The following RYR2 variants were observed in gnomAD, a reference collection of about 807,000 sequenced individuals.
RYR2 encodes cardiac muscle ryanodine receptor-calcium release channel.
In RYR2, 227 loss-of-function variants were observed where a neutral mutation model predicts 601.1. The observed-to-expected ratio is 0.38, with a 90% CI of 0.34 to 0.42. RYR2 has a LOEUF of 0.42. Ranked by LOEUF, RYR2 falls within the 10% of genes least tolerant of loss-of-function variation. The pLI is 1.00. For missense variants in RYR2, 4,646 were observed against 6,156.5 expected (o/e 0.75, Z 8.21); for synonymous variants, 2,223 against 2,175.1 (o/e 1.02, Z -0.61).
intron 70 of RYR2, among the ~76,000 whole-genome samples, chr1:237,710,283 A>T (rs900382816): frequency 2.0e-5 from 3 of 152,232 alleles, no homozygotes; most frequent in Non-Finnish European, 2.9e-5. Flanking sequence ...TTATAATTCT[A>T]TGCCACTCTG....
chr1:237,743,380 A>G (rs1299875345), intron 80 of RYR2, among the ~76,000 whole-genome samples: 2 of 152,192 alleles, frequency 1.3e-5, no homozygotes, highest in African/African-American at 4.8e-5. Flanking sequence ...GAAAAATGCC[A>G]TAAGATTAAT....
chr1:237,332,630 G>T (rs1264192004), intron 3 of RYR2, among the ~76,000 whole-genome samples: 1 of 151,874 alleles, frequency 6.6e-6, no homozygotes, highest in African/African-American at 2.4e-5. Flanking sequence ...ATTTTTATTT[G>T]GCATTAGCAT....
intron 1 of RYR2, among the ~76,000 whole-genome samples, chr1:237,265,852 G>A (rs865971450): frequency 3.3e-5 from 5 of 152,136 alleles, no homozygotes; most frequent in South Asian, 2.1e-4. Flanking sequence ...AAGTGTTGAT[G>A]GAGTAGAATC....
intron 22 of RYR2, among the ~76,000 whole-genome samples, chr1:237,505,901 T>A (rs1042430210): frequency 6.6e-6 from 1 of 152,210 alleles, no homozygotes. Flanking sequence ...ATTTTGTTTC[T>A]TTTCTGTGAA....
intron 3 of RYR2, among the ~76,000 whole-genome samples, chr1:237,343,829 T>G (rs116128470): frequency 0.024 from 3,593 of 151,596 alleles, 144 homozygotes; most frequent in African/African-American, 0.079. Flanking sequence ...TTGTTTTTTT[T>G]TTTTTTTTGA....
chr1:237,703,666 G>A (rs1176914116), intron 66 of RYR2, among the ~76,000 whole-genome samples: 2 of 149,538 alleles, frequency 1.3e-5, no homozygotes, highest in African/African-American at 4.9e-5. Context: ...ACATGGTAAT[G>A]TTGAATTTTT....
intron 15 of RYR2, among the ~76,000 whole-genome samples, chr1:237,455,489 T>C (rs1454751766): frequency 1.3e-5 from 2 of 152,058 alleles, no homozygotes; most frequent in Non-Finnish European, 2.9e-5. Flanking sequence ...ATCTGGGTGA[T>C]GAAATCATTT....
intron 97 of RYR2, 120 bp downstream of exon 97, chr1:237,798,290 A>G: frequency 1.1e-6 from 1 of 892,048 alleles, no homozygotes; most frequent in South Asian, 2.2e-5. Flanking sequence ...ATAGATGAGG[A>G]AAACAGAAAG....
chr1:237,111,590 T>TAAA (rs71178394), intron 1 of RYR2, among the ~76,000 whole-genome samples: 1 of 119,966 alleles, frequency 8.3e-6, no homozygotes, highest in Admixed American at 9.0e-5. Flanking sequence ...TCCGTCTCTT[T>TAAA]AAAAAAAAAA....
chr1:237,136,053 C>T (rs540786127), intron 1 of RYR2, among the ~76,000 whole-genome samples: 1 of 152,336 alleles, frequency 6.6e-6, no homozygotes, highest in East Asian at 1.9e-4. Flanking sequence ...ATCCTCTTCA[C>T]TGGCTGTTGA....
intron 93 of RYR2, 185 bp from the exon 94 acceptor site, chr1:237,791,920 G>C (rs778406582): frequency 3.3e-6 from 2 of 597,210 alleles, no homozygotes; most frequent in East Asian, 2.8e-5. Context: ...AATTTTAAAA[G>C]TATGTTCATT....
At chr1:237,261,136 T>C (rs2149311565) in intron 1 of RYR2, among the ~76,000 whole-genome samples, 1 of 152,364 alleles carries the variant, frequency 6.6e-6, no homozygotes, top group African/African-American at 2.4e-5. Flanking sequence ...TCACCATGCC[T>C]GCAACATAAC....
At chr1:237,242,386 T>C (rs1046059042) in intron 1 of RYR2, among the ~76,000 whole-genome samples, 3 of 152,060 alleles carry the variant, frequency 2.0e-5, no homozygotes, top group Non-Finnish European at 4.4e-5. Context: ...ACCTAAGTTA[T>C]TCACAAAGCT....
At chr1:237,053,432 G>A (rs1203881142) in intron 1 of RYR2, among the ~76,000 whole-genome samples, 2 of 152,176 alleles carry the variant, frequency 1.3e-5, no homozygotes. Context: ...GAAGATGGGG[G>A]TGTCATTATT....
At chr1:237,798,969 G>T (rs906035595) in intron 97 of RYR2, among the ~76,000 whole-genome samples, 1 of 152,196 alleles carries the variant, frequency 6.6e-6, no homozygotes, top group Non-Finnish European at 1.5e-5. Flanking sequence ...GTAGGGATGT[G>T]ATGGTTACTT....
At chr1:237,061,251 A>G (rs1211468614) in intron 1 of RYR2, among the ~76,000 whole-genome samples, 1 of 68,756 alleles carries the variant, frequency 1.5e-5, no homozygotes, top group Non-Finnish European at 3.6e-5. Flanking sequence ...CTATCTATCT[A>G]TCATCTATCT....
rs78963746 is a variant in RYR2, at chr1:237,750,762, G to A, written c.11146-5526G>A. On this transcript the variant is annotated intron_variant, in intron 80 of 104. Transcript: ENST00000366574. ...ACAATTTATACAATAGAGTCCAGTT[G>A]TGCAGATGCTACCTGAAGATGGATT... Among the ~76,000 whole-genome samples, 927 of 152,180 alleles carry A rather than the reference G, an allele frequency of 6.1e-3. 22 individuals carry two copies. The highest frequency in any genetic ancestry group is 0.059 in the East Asian group (307 of 5,178).
chr1:237,656,914 T>C (rs1430427716), intron 53 of RYR2, among the ~76,000 whole-genome samples: 3 of 152,262 alleles, frequency 2.0e-5, no homozygotes, highest in African/African-American at 7.2e-5. Flanking sequence ...ATGATTGATC[T>C]TTTGTATCTC....
chr1:237,714,991 C>T (rs2010707), intron 71 of RYR2, among the ~76,000 whole-genome samples: 4,068 of 44,250 alleles, frequency 0.092, 879 homozygotes, highest in Middle Eastern at 0.17. Flanking sequence ...GACTCCATCT[C>T]AAAAAAAAAA....
Sources: gnomAD v4.1 joint callset for allele counts (sites outside exome capture counted in the v4.1 genomes callset) on GRCh38, gnomAD v4.1.1 for gene constraint, MANE v1.5 for transcripts, NCBI Gene and HGNC (gene_info 2026-07-23, HGNC 2026-07-21) for gene names.